Variants in ZC3H4 observed in about 807,000 individuals in gnomAD.
The protein encoded by ZC3H4 is zinc finger CCCH-type containing 4, also known as zinc finger CCCH domain-containing protein 4.
ZC3H4 carries 13 observed loss-of-function variants against 108.3 expected under a neutral mutation model. The ratio of observed to expected loss-of-function variants is 0.12; its 90% CI spans 0.08 to 0.19. The LOEUF is 0.19. Ranked by LOEUF, ZC3H4 falls within the 10% of genes least tolerant of loss-of-function variation. The probability of loss-of-function intolerance (pLI) is 1.00; values close to 1 mark genes in which losing one functional copy is unlikely to be tolerated. For synonymous variants in ZC3H4, 917 were observed against 749.6 expected (o/e 1.22, Z -3.65); for missense variants, 1,734 against 1,838.8 (o/e 0.94, Z 1.04).
chr19:47,070,134 AG>A (rs376272452), intron 13 of ZC3H4, among the ~76,000 whole-genome samples: 12 of 150,750 alleles, frequency 8.0e-5, no homozygotes, highest in Middle Eastern at 3.4e-3. Context: ...ACCGAAACGG[AG>A]GGGGGGGCGT....
At position 47,072,179 on chromosome 19, in the gene ZC3H4, C is replaced by G; in HGVS notation, c.1803-58G>C. 6.8e-7 allele frequency: 1 copy of G among 1,459,860 alleles called. No homozygotes were observed. The highest frequency in any genetic ancestry group is 2.6e-5 in the Admixed American group (1 of 39,120). The allele number at this position is 1,459,860 out of a possible 1,614,324, so 90.4% of individuals were successfully genotyped here. A position where few individuals can be genotyped will look rare whatever the true frequency, so the allele number is the denominator to read the frequency against. Reference sequence around the variant, plus strand: ...CTGCCGAGGAGGGCAGTGGCCACACCCCAGAGGAGAGGCGGAGGGCTGCAG... The same window carrying G: ...CTGCCGAGGAGGGCAGTGGCCACACGCCAGAGGAGAGGCGGAGGGCTGCAG... On this transcript the variant is annotated intron_variant, in intron 12 of 14. Coordinates refer to ENST00000253048, the MANE Select transcript of ZC3H4 (RefSeq NM_015168.2). The surrounding 1 kb of genome is among the most constrained non-coding windows in gnomAD (Gnocchi z 5.6).
At chr19:47,099,763 G>A (rs1426129913) in intron 2 of ZC3H4, among the ~76,000 whole-genome samples, 13 of 151,160 alleles carry the variant, frequency 8.6e-5, no homozygotes, top group Admixed American at 7.9e-4. Context: ...AGACAAGAGG[G>A]TTGGACGAAA....
chr19:47,070,770 C>T (rs954245066), intron 13 of ZC3H4, among the ~76,000 whole-genome samples: 7 of 152,174 alleles, frequency 4.6e-5, no homozygotes, highest in East Asian at 3.8e-4. Context: ...TCCACATGGC[C>T]GTCGGAGGGG....
intron 2 of ZC3H4, among the ~76,000 whole-genome samples, chr19:47,103,257 G>A (rs2057925677): frequency 6.6e-6 from 1 of 152,148 alleles, no homozygotes; most frequent in African/African-American, 2.4e-5. Context: ...AGAGGAGAAA[G>A]TCTAATAATT....
At chr19:47,083,562 G>A (rs978282666) in intron 9 of ZC3H4, among the ~76,000 whole-genome samples, 4 of 151,952 alleles carry the variant, frequency 2.6e-5, no homozygotes, top group South Asian at 2.1e-4. Flanking sequence ...AAAATTAGCC[G>A]GGTGTGGTGG....
At chr19:47,109,891 TAC>T (rs1176053252) in intron 2 of ZC3H4, among the ~76,000 whole-genome samples, 2 of 152,164 alleles carry the variant, frequency 1.3e-5, no homozygotes, top group Non-Finnish European at 2.9e-5. Flanking sequence ...ACATCAGAAG[TAC>T]AGTGTTTGGT....
intron 1 of ZC3H4, among the ~76,000 whole-genome samples, chr19:47,112,839 G>GCCC (rs143671586): frequency 2.0e-4 from 30 of 148,056 alleles, no homozygotes; most frequent in Middle Eastern, 3.4e-3. Flanking sequence ...AGGGGCGAGA[G>GCCC]CCCCCCCCCC....
rs759786004 is a variant in ZC3H4 at position 47,094,496 on chromosome 19, T to A, written c.274A>T (p.Ser92Cys). The A allele has an allele frequency of 3.1e-6, 5 of 1,614,248 alleles. No homozygotes were observed. The highest frequency in any genetic ancestry group is 4.2e-6 in the Non-Finnish European group (5 of 1,180,044). Residue 92 changes from serine to cysteine, a missense_variant, in exon 3 of 15, where the codon AGT (serine) becomes TGT (cysteine). Ser to Cys is a moderately radical substitution (Grantham distance 112). Around this residue, in one of 9 missense-constraint regions of ZC3H4, gnomAD observed 403 missense variants for 457.0 expected, o/e 0.88. Coordinates refer to ENST00000253048, the MANE Select transcript of ZC3H4 (RefSeq NM_015168.2). ...SRKEKGEKHH[S>C]DSDEEKSHRR... ...TGGGACTTCTCCTCATCCGAATCAC[T>A]GTGATGCTTCTCCCCCTTTTCTTTC...
In ZC3H4 at chr19:47,094,243, C is replaced by T. The variant is rs61310928; in HGVS notation, c.381+146G>A. Reference sequence around the variant, plus strand: ...GTGGCAATGAAGCATAAGCTACCAACTCTTTTAAAAAAGGTCTTTATCCAA... The same window carrying T: ...GTGGCAATGAAGCATAAGCTACCAATTCTTTTAAAAAAGGTCTTTATCCAA... On this transcript the variant is annotated intron_variant, in intron 3 of 14. Transcript: ENST00000253048. 2,775 of 1,124,824 alleles carry T rather than the reference C, an allele frequency of 2.5e-3. 48 individuals are homozygous for T. The African/African-American group carries it at 0.039, about 16-fold the overall frequency. The allele number at this position is 1,124,824 out of a possible 1,614,324, so 69.7% of individuals were successfully genotyped here.
In ZC3H4 at chr19:47,084,510, G is replaced by T. The variant is rs962109262; in HGVS notation, c.1108-55C>A. On this transcript the variant is annotated intron_variant, in intron 8 of 14. Coordinates refer to ENST00000253048, the MANE Select transcript of ZC3H4 (RefSeq NM_015168.2). ...GGAATGAAAGGGAAGGGTAGAGATG[G>T]GATCGGGGTTAATAAGAAGCACGGG... 8.4e-5 allele frequency: 133 copies of T among 1,581,454 alleles called. No homozygotes were observed. The Admixed American group carries it at 2.2e-3, about 26-fold the overall frequency.
intron 13 of ZC3H4, 106 bp from the exon 14 acceptor site, chr19:47,069,449 G>A (rs1378263876): frequency 1.4e-6 from 2 of 1,421,198 alleles, no homozygotes; most frequent in Non-Finnish European, 1.9e-6. Context: ...GATGGAGAAG[G>A]ACGCACAGCC....
At chr19:47,094,115 C>T in intron 3 of ZC3H4, 35 bp from the exon 4 acceptor site, 1 of 1,600,366 alleles carries the variant, frequency 6.2e-7, no homozygotes, top group South Asian at 1.1e-5. Context: ...CAGCAACCTG[C>T]CACAGGCAGG....
rs2122731851 is a variant in ZC3H4, at chr19:47,072,728, G to A, written c.1441-15C>T. On this transcript the variant is annotated splice_polypyrimidine_tract_variant and intron_variant, in intron 11 of 14. Transcript: ENST00000253048. The surrounding 1 kb of genome is among the most constrained non-coding windows in gnomAD (Gnocchi z 5.6). ...TCGGCCAACATCTGCGGGTGTGAAA[G>A]AACAAAAGAAGGTGTGGACGGGGTC... 1.2e-6 allele frequency: 2 copies of A among 1,612,634 alleles called. No homozygotes were observed. Among genetic ancestry groups the A allele is most frequent in the East Asian group, 2.2e-5 (1 of 44,886 alleles).
intron 2 of ZC3H4, among the ~76,000 whole-genome samples, chr19:47,110,618 T>C (rs1366355504): frequency 1.3e-5 from 2 of 152,196 alleles, no homozygotes; most frequent in Non-Finnish European, 2.9e-5. Flanking sequence ...ATTGAATTAC[T>C]CAATAAAAGA....
rs751825674 is a variant in ZC3H4 at position 47,086,355 on chromosome 19, G to A, written c.870+29C>T. The A allele has an allele frequency of 2.0e-5, 32 of 1,611,032 alleles. No individual in the cohort carries two copies. The East Asian group carries it at 3.8e-4, about 19-fold the overall frequency. ...CCGGAAAGCCCACCAGCCTCACCCC[G>A]ACGTCCCCAGGGCCAGAGGAAACCT... On this transcript the variant is annotated intron_variant, in intron 6 of 14. Transcript: ENST00000253048.
Position 47,104,214 on chromosome 19 carries a change from G to C in ZC3H4, c.161+8210C>G, listed in dbSNP as rs959079086. 2.6e-5 allele frequency among the ~76,000 whole-genome samples: 4 copies of C among 152,160 alleles called. No homozygotes were observed. In the South Asian group the frequency reaches 8.3e-4, roughly 32 times the overall value. On this transcript the variant is annotated intron_variant, in intron 2 of 14. Coordinates refer to ENST00000253048, the MANE Select transcript of ZC3H4 (RefSeq NM_015168.2). ...CACACCTGTAATCCCAACTACTCAGGAGGCTGAGGCAGGAGAATCGCTTGA... is the reference window on the plus strand; with the variant it reads ...CACACCTGTAATCCCAACTACTCAGCAGGCTGAGGCAGGAGAATCGCTTGA...
At chr19:47,094,741 G>C in intron 2 of ZC3H4, 133 bp from the exon 3 acceptor site, 1 of 836,770 alleles carries the variant, frequency 1.2e-6, no homozygotes, top group African/African-American at 1.7e-5. Flanking sequence ...GGAGGACATG[G>C]GGGCCATGGC....
At chr19:47,076,450 G>A (rs2057422011) in intron 11 of ZC3H4, among the ~76,000 whole-genome samples, 1 of 152,234 alleles carries the variant, frequency 6.6e-6, no homozygotes, top group Non-Finnish European at 1.5e-5. Context: ...AGGCACTGGA[G>A]ATGTGGGGTG....
At chr19:47,091,248 G>A (rs1042067569) in intron 4 of ZC3H4, among the ~76,000 whole-genome samples, 2 of 151,704 alleles carry the variant, frequency 1.3e-5, no homozygotes, top group African/African-American at 2.4e-5. Context: ...CTCCAACCAG[G>A]GTGACACAGC....
Sources: gnomAD v4.1 joint callset for allele counts (sites outside exome capture counted in the v4.1 genomes callset) on GRCh38, gnomAD v4.1.1 for gene constraint, gnomAD v4.1.1 regional missense constraint, Gnocchi (gnomAD v3.1) non-coding constraint, MANE v1.5 for transcripts, NCBI Gene and HGNC (gene_info 2026-07-23, HGNC 2026-07-21) for gene names.